CDH2: variants seen among roughly 807,000 people sequenced by gnomAD.
CDH2 encodes cadherin-2.
Under a neutral mutation model 92.0 loss-of-function variants are expected in CDH2, and 17 were observed. That is an observed-to-expected ratio of 0.18 (90% CI 0.13 to 0.28). The LOEUF is 0.28. Among genes scored for constraint, CDH2 ranks in the 10% least tolerant of loss-of-function variants. The probability of loss-of-function intolerance (pLI) is 1.00; values close to 1 mark genes in which losing one functional copy is unlikely to be tolerated. For missense variants in CDH2, 862 were observed against 1,133.1 expected, an observed-to-expected ratio of 0.76 and a Z score of 3.44; for synonymous variants, 419 against 415.9, an observed-to-expected ratio of 1.01 and a Z score of -0.09.
chr18:28,157,332 A>T (rs1006376603), intron 1 of CDH2, among the ~76,000 whole-genome samples: 1 of 152,224 alleles, frequency 6.6e-6, no homozygotes, highest in African/African-American at 2.4e-5. Flanking sequence ...AAGACACTCA[A>T]TATCAGTGAC....
intron 2 of CDH2, among the ~76,000 whole-genome samples, chr18:28,048,176 G>A (rs961424550): frequency 1.3e-5 from 2 of 152,074 alleles, no homozygotes; most frequent in Non-Finnish European, 2.9e-5. Context: ...TTCCTGATGA[G>A]GAAATTAAGC....
At chr18:27,995,704 T>C (rs955348422) in intron 7 of CDH2, among the ~76,000 whole-genome samples, 3 of 152,230 alleles carry the variant, frequency 2.0e-5, no homozygotes, top group African/African-American at 7.2e-5. Context: ...ATATTGGAAT[T>C]AGTAGCTAAT....
chr18:28,167,039 A>G (rs771915744), intron 1 of CDH2, among the ~76,000 whole-genome samples: 28 of 152,136 alleles, frequency 1.8e-4, no homozygotes, highest in Non-Finnish European at 4.0e-4. Context: ...AATTAAAAAC[A>G]AAAAACTGGG....
In CDH2 at chr18:28,000,801, T is replaced by G. The variant is rs548821338; in HGVS notation, c.1020+2196A>C. On this transcript the variant is annotated intron_variant, in intron 7 of 15. Coordinates refer to ENST00000269141, the MANE Select transcript of CDH2 (RefSeq NM_001792.5). Reference sequence around the variant, plus strand: ...AGCTGAATCTCACTAAGCATTTCAATGATTAGGAGTTCAATCACTTAAAGG... The same window carrying G: ...AGCTGAATCTCACTAAGCATTTCAAGGATTAGGAGTTCAATCACTTAAAGG... Among the ~76,000 whole-genome samples the G allele has an allele frequency of 2.0e-3, 300 of 152,270 alleles. 5 individuals carry two copies. The highest frequency in any genetic ancestry group is 7.0e-3 in the African/African-American group (289 of 41,556).
chr18:27,997,864 TGGCACAATCTC>T (rs1211626979), intron 7 of CDH2, among the ~76,000 whole-genome samples: 4 of 152,016 alleles, frequency 2.6e-5, no homozygotes, highest in African/African-American at 9.7e-5. Flanking sequence ...TGGAGTGCAG[TGGCACAATCTC>T]GGCTCACTGC....
At chr18:27,933,775 TAAAC>T (rs1345173040) in intron 6 of CDH2, among the ~76,000 whole-genome samples, 1 of 152,236 alleles carries the variant, frequency 6.6e-6, no homozygotes, top group Non-Finnish European at 1.5e-5. Context: ...ATTTGGGATT[TAAAC>T]AAAATGGCAT....
chr18:27,966,375 T>C (rs1286973945), intron 14 of CDH2, among the ~76,000 whole-genome samples: 1 of 152,198 alleles, frequency 6.6e-6, no homozygotes, highest in African/African-American at 2.4e-5. Flanking sequence ...TATAAGAATA[T>C]AGAGGAATTT....
At chr18:28,015,594 T>C (rs974272648) in intron 2 of CDH2, among the ~76,000 whole-genome samples, 1 of 152,214 alleles carries the variant, frequency 6.6e-6, no homozygotes, top group South Asian at 2.1e-4. Flanking sequence ...AAGTACTTTT[T>C]TATATTACAA....
intron 2 of CDH2, among the ~76,000 whole-genome samples, chr18:28,128,365 G>T (rs891286513): frequency 2.6e-5 from 4 of 152,084 alleles, no homozygotes; most frequent in Non-Finnish European, 5.9e-5. Flanking sequence ...AGATATACGT[G>T]TATTTATTTC....
At chr18:28,024,034 T>C (rs2013482593) in intron 2 of CDH2, among the ~76,000 whole-genome samples, 1 of 151,858 alleles carries the variant, frequency 6.6e-6, no homozygotes, top group African/African-American at 2.4e-5. Context: ...AACTTGATCA[T>C]ATAGTGCTGT....
intron 6 of CDH2, among the ~76,000 whole-genome samples, chr18:27,944,034 A>G (rs547959753): frequency 2.0e-5 from 3 of 152,338 alleles, no homozygotes; most frequent in South Asian, 4.1e-4. Context: ...GAAACAAAAA[A>G]ATTATTACAA....
chr18:28,075,593 C>T (rs550466893), intron 2 of CDH2, among the ~76,000 whole-genome samples: 8 of 152,148 alleles, frequency 5.3e-5, no homozygotes, highest in Non-Finnish European at 1.0e-4. Flanking sequence ...ATTTTCCAAG[C>T]GATGCACAGT....
intron 2 of CDH2, among the ~76,000 whole-genome samples, chr18:28,034,820 T>A (rs1192041368): frequency 6.6e-6 from 1 of 152,042 alleles, no homozygotes; most frequent in Admixed American, 6.6e-5. Flanking sequence ...TGAGTATAAA[T>A]CCTTGAAGTT....
At chr18:28,176,047 C>G (rs1024177785) in intron 1 of CDH2, among the ~76,000 whole-genome samples, 1 of 152,200 alleles carries the variant, frequency 6.6e-6, no homozygotes, top group Non-Finnish European at 1.5e-5. Context: ...GCTGGGAACC[C>G]GCAGCGTGCA....
At chr18:27,968,145 A>G (rs1188133404) in intron 14 of CDH2, among the ~76,000 whole-genome samples, 3 of 152,328 alleles carry the variant, frequency 2.0e-5, no homozygotes, top group Admixed American at 6.5e-5. Context: ...CAAGAATTAC[A>G]TTAGGTGCTT....
chr18:27,962,122 T>C (rs1363618623), intron 15 of CDH2, among the ~76,000 whole-genome samples: 1 of 152,198 alleles, frequency 6.6e-6, no homozygotes, highest in Non-Finnish European at 1.5e-5. Context: ...TCTAGGCATA[T>C]ATGTATAAAT....
At chr18:28,081,880 G>A (rs2014837557) in intron 2 of CDH2, among the ~76,000 whole-genome samples, 2 of 152,100 alleles carry the variant, frequency 1.3e-5, no homozygotes, top group Admixed American at 1.3e-4. Context: ...TTTAGAACAG[G>A]GTATTTCATC....
At chr18:27,979,291 A>G (rs2011959511) in intron 14 of CDH2, among the ~76,000 whole-genome samples, 1 of 152,194 alleles carries the variant, frequency 6.6e-6, no homozygotes, top group Non-Finnish European at 1.5e-5. Flanking sequence ...ATACATCATC[A>G]ATGTGGCCTA....
intron 1 of CDH2, among the ~76,000 whole-genome samples, chr18:28,168,955 T>A (rs1244025125): frequency 6.6e-6 from 1 of 152,184 alleles, no homozygotes; most frequent in Non-Finnish European, 1.5e-5. Context: ...AACTTGAATA[T>A]GACAAATATG....
Sources: allele counts gnomAD v4.1 joint callset (sites outside exome capture counted in the v4.1 genomes callset), GRCh38; gene constraint gnomAD v4.1.1; transcripts MANE v1.5; gene names NCBI Gene and HGNC (gene_info 2026-07-23, HGNC 2026-07-21).